PCDH9: variants seen among roughly 807,000 people sequenced by gnomAD.
PCDH9 encodes protocadherin-9.
A neutral mutation model predicts 70.6 loss-of-function variants in PCDH9; 24 were observed. That is an observed-to-expected ratio of 0.34 (90% CI 0.25 to 0.48). PCDH9 has a LOEUF of 0.48. Among genes scored for constraint, PCDH9 ranks in the 20% least tolerant of loss-of-function variants. The pLI, the probability that PCDH9 is intolerant of heterozygous loss-of-function variation, is 0.99. For synonymous variants in PCDH9, 562 were observed against 558.5 expected, an observed-to-expected ratio of 1.01 and a Z score of -0.09; for missense variants, 1,281 against 1,503.6, an observed-to-expected ratio of 0.85 and a Z score of 2.45.
At chr13:67,141,542 G>C (rs1047405133) in intron 2 of PCDH9, among the ~76,000 whole-genome samples, 3 of 152,090 alleles carry the variant, frequency 2.0e-5, no homozygotes, top group South Asian at 2.1e-4. Context: ...CCAGGTTCAA[G>C]TGATTCTCCT....
intron 3 of PCDH9, among the ~76,000 whole-genome samples, chr13:66,758,700 TAATTATTCTTTA>T (rs1203679345): frequency 6.6e-6 from 1 of 152,068 alleles, no homozygotes; most frequent in Non-Finnish European, 1.5e-5. Flanking sequence ...TAATTGGTAT[TAATTATTCTTTA>T]AATGTTTGAT....
At chr13:67,134,903 T>A (rs1185697010) in intron 2 of PCDH9, among the ~76,000 whole-genome samples, 4 of 152,100 alleles carry the variant, frequency 2.6e-5, no homozygotes, top group Non-Finnish European at 4.4e-5. Flanking sequence ...CACGCTGTGT[T>A]GGTTGATTTT....
intron 3 of PCDH9, among the ~76,000 whole-genome samples, chr13:66,739,085 CAG>C (rs1161240088): frequency 7.4e-6 from 1 of 135,240 alleles, no homozygotes; most frequent in Non-Finnish European, 1.6e-5. Flanking sequence ...TAAGGGCAGC[CAG>C]AGAGAAAGGT....
chr13:66,867,058 G>A (rs1456244970), intron 3 of PCDH9, among the ~76,000 whole-genome samples: 65 of 148,802 alleles, frequency 4.4e-4, no homozygotes, highest in African/African-American at 1.3e-3. Flanking sequence ...TAGCGCTGAG[G>A]GCTGTATTGC....
At chr13:67,044,176 G>A (rs932405830) in intron 2 of PCDH9, among the ~76,000 whole-genome samples, 7 of 152,120 alleles carry the variant, frequency 4.6e-5, no homozygotes, top group Non-Finnish European at 1.0e-4. Context: ...AATGTTGTCA[G>A]GGCTAAAGAA....
intron 3 of PCDH9, among the ~76,000 whole-genome samples, chr13:66,838,710 C>T (rs2081066067): frequency 6.6e-6 from 1 of 152,010 alleles, no homozygotes; most frequent in Non-Finnish European, 1.5e-5. Flanking sequence ...TGTCTTATTA[C>T]AAACACAGTT....
At chr13:66,639,224 G>C (rs1159467977) in intron 3 of PCDH9, among the ~76,000 whole-genome samples, 1 of 152,158 alleles carries the variant, frequency 6.6e-6, no homozygotes, top group East Asian at 1.9e-4. Context: ...TTTGAGGATA[G>C]AGCTGTCAGC....
At chr13:66,474,048 G>A (rs1479701774) in intron 4 of PCDH9, among the ~76,000 whole-genome samples, 1 of 152,040 alleles carries the variant, frequency 6.6e-6, no homozygotes, top group African/African-American at 2.4e-5. Context: ...TTTGTTTAAT[G>A]TCAGCATTTA....
At chr13:66,787,881 A>C (rs1322084288) in intron 3 of PCDH9, among the ~76,000 whole-genome samples, 1 of 152,154 alleles carries the variant, frequency 6.6e-6, no homozygotes, top group Non-Finnish European at 1.5e-5. Flanking sequence ...ATATCAAGGT[A>C]ATTAATCCAC....
chr13:66,960,855 A>T (rs2083334364), intron 2 of PCDH9, among the ~76,000 whole-genome samples: 1 of 152,176 alleles, frequency 6.6e-6, no homozygotes, highest in South Asian at 2.1e-4. Flanking sequence ...TCAAAATCAC[A>T]TATATTTAAG....
At chr13:66,903,482 T>G (rs1479925033) in intron 3 of PCDH9, 22 bp downstream of exon 3, 1 of 995,564 alleles carries the variant, frequency 1.0e-6, no homozygotes, top group South Asian at 1.3e-5. Flanking sequence ...ACTAACATGT[T>G]CTCTATAGAT....
At chr13:66,544,987 G>T (rs555573099) in intron 4 of PCDH9, among the ~76,000 whole-genome samples, 1 of 152,234 alleles carries the variant, frequency 6.6e-6, no homozygotes, top group East Asian at 1.9e-4. Flanking sequence ...TATTCAGGCT[G>T]ATCTAATATT....
At chr13:67,115,692 T>G (rs1191793335) in intron 2 of PCDH9, among the ~76,000 whole-genome samples, 1 of 150,004 alleles carries the variant, frequency 6.7e-6, no homozygotes, top group Non-Finnish European at 1.5e-5. Context: ...TATTGACCAG[T>G]TTTACCAGTT....
At chr13:67,129,705 A>T (rs938184256) in intron 2 of PCDH9, among the ~76,000 whole-genome samples, 5 of 151,936 alleles carry the variant, frequency 3.3e-5, no homozygotes, top group African/African-American at 1.2e-4. Flanking sequence ...TTCTCTCTAT[A>T]GTTAAAGGAG....
chr13:66,381,333 A>AT (rs903335496), intron 4 of PCDH9, among the ~76,000 whole-genome samples: 3 of 152,206 alleles, frequency 2.0e-5, no homozygotes, highest in African/African-American at 7.2e-5. Flanking sequence ...CCATTTCCTC[A>AT]TTTTATAGTG....
chr13:66,333,655 C>T (rs1249725729), intron 4 of PCDH9, among the ~76,000 whole-genome samples: 1 of 152,012 alleles, frequency 6.6e-6, no homozygotes, highest in Non-Finnish European at 1.5e-5. Context: ...AGACTTCTTT[C>T]AGAAAAAAGT....
intron 2 of PCDH9, among the ~76,000 whole-genome samples, chr13:67,124,301 A>G (rs1287993672): frequency 6.6e-6 from 1 of 152,204 alleles, no homozygotes; most frequent in African/African-American, 2.4e-5. Flanking sequence ...GCTCAGCTGG[A>G]AAAATTATTA....
At chr13:66,710,399 T>C (rs1203472965) in intron 3 of PCDH9, among the ~76,000 whole-genome samples, 1 of 152,152 alleles carries the variant, frequency 6.6e-6, no homozygotes, top group Non-Finnish European at 1.5e-5. Flanking sequence ...GTATACAAAA[T>C]GACAGGACAC....
chr13:66,310,639 T>C (rs746699002), intron 4 of PCDH9, among the ~76,000 whole-genome samples: 3 of 152,050 alleles, frequency 2.0e-5, no homozygotes, highest in Non-Finnish European at 4.4e-5. Context: ...ACATTTCTGG[T>C]TAGTTTTCAT....
Sources: allele counts gnomAD v4.1 joint callset (sites outside exome capture counted in the v4.1 genomes callset), GRCh38; gene constraint gnomAD v4.1.1; transcripts MANE v1.5; gene names NCBI Gene and HGNC (gene_info 2026-07-23, HGNC 2026-07-21).